GNPAT: variants seen among roughly 807,000 people sequenced by gnomAD.
The protein encoded by GNPAT is glyceronephosphate O-acyltransferase.
In GNPAT, 30 loss-of-function variants were observed where a neutral mutation model predicts 78.4. The observed-to-expected ratio is 0.38, with a 90% CI of 0.29 to 0.52. The LOEUF (loss-of-function observed/expected upper bound fraction) is 0.52, where lower values mean the gene tolerates loss of function less well. Ranked by LOEUF, GNPAT falls within the 20% of genes least tolerant of loss-of-function variation. The pLI is 0.84. For missense variants in GNPAT, 714 were observed against 812.2 expected (o/e 0.88, Z 1.47); for synonymous variants, 271 against 281.1 (o/e 0.96, Z 0.36).
chr1:231,249,010 G>A (rs1684822298), intron 1 of GNPAT, among the ~76,000 whole-genome samples: 1 of 152,172 alleles, frequency 6.6e-6, no homozygotes, highest in African/African-American at 2.4e-5. Context: ...GTTAAACAGT[G>A]CATGACTGTA....
chr1:231,264,539 G>A (rs966001062), intron 4 of GNPAT, among the ~76,000 whole-genome samples: 1 of 152,316 alleles, frequency 6.6e-6, no homozygotes, highest in South Asian at 2.1e-4. Context: ...GCAGTGAATG[G>A]TAAGGTTAAA....
At chr1:231,271,841 G>A (rs1273397395) in intron 10 of GNPAT, among the ~76,000 whole-genome samples, 1 of 152,280 alleles carries the variant, frequency 6.6e-6, no homozygotes, top group African/African-American at 2.4e-5. Flanking sequence ...AGTGGCTCAC[G>A]CCTGTAATCC....
At chr1:231,276,310 T>C (rs1374784550) in intron 15 of GNPAT, 114 bp downstream of exon 15, 2 of 675,840 alleles carry the variant, frequency 3.0e-6, no homozygotes, top group Non-Finnish European at 5.5e-6. Context: ...AGTAGAGTTC[T>C]AACATAAAAG....
intron 1 of GNPAT, 63 bp from the exon 2 acceptor site, chr1:231,250,898 G>C (rs1684877498): frequency 7.7e-6 from 8 of 1,042,728 alleles, no homozygotes; most frequent in Middle Eastern, 3.0e-4. Flanking sequence ...TACCAATGTA[G>C]TCTTTAATCT....
intron 3 of GNPAT, among the ~76,000 whole-genome samples, chr1:231,261,886 G>T (rs1685232462): frequency 6.6e-6 from 1 of 151,908 alleles, no homozygotes; most frequent in Non-Finnish European, 1.5e-5. Context: ...TTACTTTCCT[G>T]TCAAATATTT....
intron 9 of GNPAT, among the ~76,000 whole-genome samples, chr1:231,268,118 C>A (rs111743352): frequency 6.6e-6 from 1 of 151,958 alleles, no homozygotes; most frequent in Admixed American, 6.6e-5. Context: ...CTGGCTAACG[C>A]GGTGAAACCC....
rs748437584 is a variant in GNPAT at position 231,241,312 on chromosome 1, C to T, written c.-67C>T. ...GGGCCGTCCTGAGCGAAAGAACCGC[C>T]CCCAGCAGGAGCACCACCACGGCTT... On this transcript the variant is annotated 5_prime_UTR_variant, in exon 1 of 16. Transcript: ENST00000366647. 27 of 1,449,664 alleles carry T rather than the reference C, an allele frequency of 1.9e-5. No individual in the cohort carries two copies. Among genetic ancestry groups the T allele is most frequent in the Non-Finnish European group, 2.5e-5 (26 of 1,029,998 alleles). 89.8% of individuals were successfully genotyped at this position (1,449,664 alleles called of 1,614,324 possible). A position where few individuals can be genotyped will look rare whatever the true frequency, so the allele number is the denominator to read the frequency against.
intron 11 of GNPAT, among the ~76,000 whole-genome samples, chr1:231,273,427 A>G (rs1685622129): frequency 6.6e-6 from 1 of 151,550 alleles, no homozygotes. Flanking sequence ...AATTTTTTAT[A>G]TTTTTAGTAG....
At chr1:231,243,429 T>C (rs1684668485) in intron 1 of GNPAT, among the ~76,000 whole-genome samples, 1 of 152,162 alleles carries the variant, frequency 6.6e-6, no homozygotes, top group Admixed American at 6.5e-5. Context: ...GCTCAAGCGA[T>C]TCTCCTGCCT....
intron 2 of GNPAT, among the ~76,000 whole-genome samples, chr1:231,254,391 G>C (rs906633944): frequency 1.3e-5 from 2 of 152,016 alleles, no homozygotes; most frequent in Non-Finnish European, 2.9e-5. Flanking sequence ...TTCCAGCCCT[G>C]CCTCCTCTTC....
At chr1:231,260,769 C>A in intron 3 of GNPAT, 86 bp downstream of exon 3, 1 of 939,980 alleles carries the variant, frequency 1.1e-6, no homozygotes. Context: ...TTTTCAACCC[C>A]TCACAATTTA....
intron 2 of GNPAT, among the ~76,000 whole-genome samples, chr1:231,258,858 C>T (rs993651920): frequency 6.6e-6 from 1 of 151,438 alleles, no homozygotes; most frequent in Non-Finnish European, 1.5e-5. Flanking sequence ...AGGATGGTCT[C>T]AATCTCCTGA....
rs571943218 is a variant in GNPAT, at chr1:231,277,738, GT to G, written c.*199del. The G allele has an allele frequency of 9.8e-5, 57 of 580,100 alleles. No individual in the cohort carries two copies. In the East Asian group the frequency reaches 1.6e-3, roughly 16 times the overall value. The allele number at this position is 580,100 out of a possible 1,614,324, so 35.9% of individuals were successfully genotyped here. ...TTCCCCACCACAGTGGTTAAAAGGCGTTTGTATCTGACACTATGTGTGTGTT... is the reference window on the plus strand; with the variant it reads ...TTCCCCACCACAGTGGTTAAAAGGCGTTGTATCTGACACTATGTGTGTGTT... On this transcript the variant is annotated 3_prime_UTR_variant, in exon 16 of 16. Coordinates refer to ENST00000366647, the MANE Select transcript of GNPAT (RefSeq NM_014236.4).
chr1:231,254,684 G>A (rs563577338), intron 2 of GNPAT, among the ~76,000 whole-genome samples: 5 of 150,940 alleles, frequency 3.3e-5, no homozygotes, highest in African/African-American at 9.8e-5. Context: ...TCCTGACCTC[G>A]TGATCCACCC....
chr1:231,256,632 A>G (rs1169168767), intron 2 of GNPAT, among the ~76,000 whole-genome samples: 3 of 151,402 alleles, frequency 2.0e-5, no homozygotes, highest in South Asian at 2.1e-4. Flanking sequence ...GACTACAGGC[A>G]CCCACCACCA....
intron 4 of GNPAT, among the ~76,000 whole-genome samples, chr1:231,263,975 A>T (rs946092946): frequency 6.6e-6 from 1 of 152,170 alleles, no homozygotes; most frequent in Non-Finnish European, 1.5e-5. Flanking sequence ...TTGTTTCTAC[A>T]TCCTGGATAT....
chr1:231,253,570 C>T (rs552239637), intron 2 of GNPAT, among the ~76,000 whole-genome samples: 2 of 152,128 alleles, frequency 1.3e-5, no homozygotes, highest in Non-Finnish European at 2.9e-5. Context: ...AGCTGTGCTC[C>T]TATTCCTTTG....
At position 231,251,358 on chromosome 1, in the gene GNPAT, G is replaced by A. The variant is rs182234157; in HGVS notation, c.261+215G>A. Among the ~76,000 whole-genome samples the A allele has an allele frequency of 5.7e-4, 87 of 151,908 alleles. No homozygotes were observed. The South Asian group carries it at 6.6e-3, about 12-fold the overall frequency. On this transcript the variant is annotated intron_variant, in intron 2 of 15. Coordinates refer to ENST00000366647, the MANE Select transcript of GNPAT (RefSeq NM_014236.4). ...GAGTTGAGCGTAAGTGAAATATGTCGTCTGGGCATAAGTGAAATATGATAC... is the reference window on the plus strand; with the variant it reads ...GAGTTGAGCGTAAGTGAAATATGTCATCTGGGCATAAGTGAAATATGATAC...
At chr1:231,259,175 A>G (rs1188517588) in intron 2 of GNPAT, among the ~76,000 whole-genome samples, 6 of 145,200 alleles carry the variant, frequency 4.1e-5, no homozygotes, top group Admixed American at 3.4e-4. Context: ...TTTTTTTGGC[A>G]CAATCACTGT....
Sources: allele counts gnomAD v4.1 joint callset (sites outside exome capture counted in the v4.1 genomes callset), GRCh38; gene constraint gnomAD v4.1.1; transcripts MANE v1.5; gene names NCBI Gene and HGNC (gene_info 2026-07-23, HGNC 2026-07-21).